The following TP63 variants were observed in gnomAD, a reference collection of about 807,000 sequenced individuals.
TP63 encodes the protein tumor protein p63.
In TP63, 17 loss-of-function variants were observed where a neutral mutation model predicts 82.8. The ratio of observed to expected loss-of-function variants is 0.21; its 90% CI spans 0.14 to 0.31. The LOEUF (loss-of-function observed/expected upper bound fraction) is 0.31, where lower values mean the gene tolerates loss of function less well. Ranked by LOEUF, TP63 falls within the 10% of genes least tolerant of loss-of-function variation. The pLI is 1.00. For missense variants in TP63, 648 were observed against 895.3 expected (o/e 0.72, Z 3.52); for synonymous variants, 330 against 321.7 (o/e 1.03, Z -0.28).
intron 5 of TP63, among the ~76,000 whole-genome samples, chr3:189,865,990 G>T (rs1158897578): frequency 6.6e-6 from 1 of 152,166 alleles, no homozygotes; most frequent in Non-Finnish European, 1.5e-5. Flanking sequence ...TGGGACTATA[G>T]GACCTAAGAG....
Position 189,868,678 on chromosome 3 carries a change from T to G in TP63, c.1091T>G (p.Val364Gly), listed in dbSNP as rs969409876. Residue 364 changes from valine (V) to glycine (G), a missense_variant, in exon 8 of 14, where the codon GTT becomes GGT. Physicochemically the swap from Val to Gly is moderately radical, Grantham distance 109. Coordinates refer to ENST00000264731, the MANE Select transcript of TP63 (RefSeq NM_003722.5). ...GAAGATAGCATCAGAAAGCAGCAAG[T>G]TTCGGACAGTACAAAGAACGGTGAT... ...ADEDSIRKQQ[V>G]SDSTKNGDGT... The G allele has an allele frequency of 2.5e-6, 4 of 1,613,908 alleles. No individual in the cohort carries two copies. The highest frequency in any genetic ancestry group is 1.3e-5 in the African/African-American group (1 of 74,888).
At chr3:189,673,841 A>G (rs1715150606) in intron 1 of TP63, among the ~76,000 whole-genome samples, 1 of 152,288 alleles carries the variant, frequency 6.6e-6, no homozygotes. Context: ...TGGATAGGTC[A>G]TTAATAGAAT....
At chr3:189,878,712 G>A (rs1935493432) in intron 10 of TP63, among the ~76,000 whole-genome samples, 1 of 150,210 alleles carries the variant, frequency 6.7e-6, no homozygotes, top group Non-Finnish European at 1.5e-5. Context: ...ACAGGTGTGA[G>A]CCACCGCGCC....
intron 4 of TP63, among the ~76,000 whole-genome samples, chr3:189,856,809 T>G (rs904975203): frequency 6.6e-6 from 1 of 151,970 alleles, no homozygotes; most frequent in African/African-American, 2.4e-5. Flanking sequence ...GAAGGATAAA[T>G]CTAACAAAAT....
At chr3:189,636,953 A>T (rs900180103) in intron 1 of TP63, among the ~76,000 whole-genome samples, 1 of 152,150 alleles carries the variant, frequency 6.6e-6, no homozygotes, top group Non-Finnish European at 1.5e-5. Flanking sequence ...TTTATTTTAC[A>T]ATAATGTATA....
intron 7 of TP63, among the ~76,000 whole-genome samples, chr3:189,868,209 G>T (rs1717968949): frequency 6.6e-6 from 1 of 152,178 alleles, no homozygotes; most frequent in South Asian, 2.1e-4. Flanking sequence ...GAATTGTTCT[G>T]ATTAGACCAT....
In TP63 at chr3:189,864,511, C is replaced by CT. The variant is rs1248185832; in HGVS notation, c.766+95dup. 3 of 962,436 alleles carry CT rather than the reference C, an allele frequency of 3.1e-6. No homozygotes were observed. In the East Asian group the frequency reaches 9.4e-5, roughly 30 times the overall value. The allele number at this position is 962,436 out of a possible 1,614,324, so 59.6% of individuals were successfully genotyped here. A position where few individuals can be genotyped will look rare whatever the true frequency, so the allele number is the denominator to read the frequency against. ...TTGAGACCCACCTACCTGATTCAGA[C>CT]TTCTGCACTCCGATGGCAGATCAGT... On this transcript the variant is annotated intron_variant, in intron 5 of 13. Coordinates refer to ENST00000264731, the MANE Select transcript of TP63 (RefSeq NM_003722.5).
intron 10 of TP63, chr3:189,873,230 G>A (rs1188237309): frequency 1.7e-6 from 1 of 597,828 alleles, no homozygotes; most frequent in East Asian, 3.0e-5. Flanking sequence ...ACCATTTCTG[G>A]TGAATTACAA....
intron 3 of TP63, among the ~76,000 whole-genome samples, chr3:189,797,865 C>A (rs1725870846): frequency 6.6e-6 from 1 of 152,056 alleles, no homozygotes; most frequent in African/African-American, 2.4e-5. Flanking sequence ...ATATATTTAT[C>A]TCCAGGTCAA....
At chr3:189,639,149 A>T (rs1244052771) in intron 1 of TP63, among the ~76,000 whole-genome samples, 2 of 152,166 alleles carry the variant, frequency 1.3e-5, no homozygotes, top group African/African-American at 4.8e-5. Context: ...AGAATTCACC[A>T]TGAAAAAGTC....
chr3:189,834,227 G>A (rs1323114544), intron 4 of TP63, among the ~76,000 whole-genome samples: 1 of 152,254 alleles, frequency 6.6e-6, no homozygotes, highest in East Asian at 1.9e-4. Context: ...AGCCTAACCT[G>A]ATCAGACCTG....
At chr3:189,756,521 A>G (rs573672381) in intron 3 of TP63, among the ~76,000 whole-genome samples, 1 of 152,336 alleles carries the variant, frequency 6.6e-6, no homozygotes, top group South Asian at 2.1e-4. Flanking sequence ...TCTTAATAAA[A>G]TAAGGGAAAG....
chr3:189,687,462 C>T (rs1417944543), intron 1 of TP63, among the ~76,000 whole-genome samples: 1 of 152,152 alleles, frequency 6.6e-6, no homozygotes, highest in African/African-American at 2.4e-5. Flanking sequence ...AGCTTGATAA[C>T]TTTACAGCCC....
intron 3 of TP63, 176 bp downstream of exon 3, chr3:189,738,950 C>A: frequency 1.2e-6 from 1 of 848,314 alleles, no homozygotes; most frequent in Non-Finnish European, 1.9e-6. Context: ...CATTCTGGGT[C>A]TGCCGCAAAT....
At chr3:189,860,390 A>C (rs1216771545) in intron 4 of TP63, among the ~76,000 whole-genome samples, 4 of 152,196 alleles carry the variant, frequency 2.6e-5, no homozygotes, top group African/African-American at 4.8e-5. Flanking sequence ...GCTATTTTGT[A>C]AGGGATACGG....
intron 4 of TP63, among the ~76,000 whole-genome samples, chr3:189,861,822 A>G (rs1374536114): frequency 6.6e-6 from 1 of 152,234 alleles, no homozygotes; most frequent in Non-Finnish European, 1.5e-5. Flanking sequence ...AGAAACTGTT[A>G]TTACAGGACT....
At chr3:189,816,423 C>T (rs572733351) in intron 4 of TP63, among the ~76,000 whole-genome samples, 6 of 152,136 alleles carry the variant, frequency 3.9e-5, no homozygotes, top group Admixed American at 6.5e-5. Flanking sequence ...ATTTCCATAA[C>T]GTGACCAAGT....
At chr3:189,785,894 C>T (rs1455711769) in intron 3 of TP63, among the ~76,000 whole-genome samples, 1 of 151,910 alleles carries the variant, frequency 6.6e-6, no homozygotes, top group East Asian at 1.9e-4. Flanking sequence ...TGCCCTCATT[C>T]AGCATTCAGG....
At chr3:189,827,686 C>A (rs562137022) in intron 4 of TP63, among the ~76,000 whole-genome samples, 1 of 152,146 alleles carries the variant, frequency 6.6e-6, no homozygotes, top group Non-Finnish European at 1.5e-5. Flanking sequence ...GTTTGGTATA[C>A]CTGGACCATA....
Sources: gnomAD v4.1 joint callset for allele counts (sites outside exome capture counted in the v4.1 genomes callset) on GRCh38, gnomAD v4.1.1 for gene constraint, MANE v1.5 for transcripts, NCBI Gene and HGNC (gene_info 2026-07-23, HGNC 2026-07-21) for gene names.